The following SMARCAL1 variants were observed in gnomAD, a reference collection of about 807,000 sequenced individuals.
The protein encoded by SMARCAL1 is SNF2 related chromatin remodeling annealing helicase 1.
Under a neutral mutation model 94.5 loss-of-function variants are expected in SMARCAL1, and 58 were observed. That is an observed-to-expected ratio of 0.61 (90% CI 0.50 to 0.76). The LOEUF (loss-of-function observed/expected upper bound fraction) is 0.76. Ranked by LOEUF, SMARCAL1 falls within the 30% of genes least tolerant of loss-of-function variation. SMARCAL1 has a pLI of 0.00. For missense variants in SMARCAL1, 1,051 were observed against 1,177.9 expected, an observed-to-expected ratio of 0.89 and a Z score of 1.58; for synonymous variants, 422 against 455.1, an observed-to-expected ratio of 0.93 and a Z score of 0.93.
chr2:216,445,625 G>T (rs981518881), intron 10 of SMARCAL1, among the ~76,000 whole-genome samples: 2 of 151,890 alleles, frequency 1.3e-5, no homozygotes, highest in African/African-American at 2.4e-5. Flanking sequence ...CTTTTTCATT[G>T]AAATGATCTT....
chr2:216,442,163 C>G (rs1473640328), intron 10 of SMARCAL1, among the ~76,000 whole-genome samples: 1 of 151,934 alleles, frequency 6.6e-6, no homozygotes, highest in East Asian at 1.9e-4. Context: ...TGCCTGTAAT[C>G]CTAACACTTT....
rs1694869621 is a variant in SMARCAL1, at chr2:216,468,085, C to T, written c.2244+39C>T. On this transcript the variant is annotated intron_variant, in intron 14 of 17. Coordinates refer to ENST00000357276, the MANE Select transcript of SMARCAL1 (RefSeq NM_014140.4). ...GAAATTCACCATGGGCTACTTTTGCCATGTCCCAAGTTGTTCTAAGCAGGC... is the reference window on the plus strand; with the variant it reads ...GAAATTCACCATGGGCTACTTTTGCTATGTCCCAAGTTGTTCTAAGCAGGC... 2.8e-6 allele frequency: 4 copies of T among 1,437,386 alleles called. No homozygotes were observed. The South Asian group carries it at 4.6e-5, about 16-fold the overall frequency. 89.0% of individuals were successfully genotyped at this position (1,437,386 alleles called of 1,614,324 possible).
chr2:216,463,104 A>G (rs1694742537), intron 12 of SMARCAL1, among the ~76,000 whole-genome samples: 1 of 152,206 alleles, frequency 6.6e-6, no homozygotes, highest in Admixed American at 6.5e-5. Flanking sequence ...CAAGATCTCA[A>G]GAATGACAGG....
intron 12 of SMARCAL1, among the ~76,000 whole-genome samples, chr2:216,462,617 T>A (rs1425465057): frequency 6.6e-6 from 1 of 152,194 alleles, no homozygotes; most frequent in Non-Finnish European, 1.5e-5. Context: ...GTCTAATCAG[T>A]GACCCCACAG....
intron 6 of SMARCAL1, among the ~76,000 whole-genome samples, chr2:216,424,528 T>C (rs1693789899): frequency 6.6e-6 from 1 of 152,202 alleles, no homozygotes; most frequent in African/African-American, 2.4e-5. Flanking sequence ...GAGCCAACCC[T>C]GGGAGCTCTG....
rs1172616375 is a variant in SMARCAL1 at position 216,477,131 on chromosome 2, G to A, written c.2450G>A (p.Arg817His). The change falls in exon 16 of 18, where the codon CGC becomes CAC. Residue 817 changes from arginine (R) to histidine (H), a missense_variant. By Grantham distance (29) the Arg-to-His change is conservative (BLOSUM62 0). This residue lies in a region of SMARCAL1 where 642 missense variants were observed against 754.7 expected (regional missense o/e 0.85). Transcript: ENST00000357276. ...NPGVLIQAED[R>H]VHRIGQTSSV... ...CAGGTGCTGATCCAGGCTGAGGACC[G>A]CGTGCACCGCATTGGACAGACCAGC... The A allele has an allele frequency of 1.3e-5, 21 of 1,586,438 alleles. No individual in the cohort carries two copies. Among genetic ancestry groups the A allele is most frequent in the Non-Finnish European group, 1.6e-5 (19 of 1,166,366 alleles).
chr2:216,457,217 T>TA (rs1226574974), intron 12 of SMARCAL1, among the ~76,000 whole-genome samples: 3 of 152,168 alleles, frequency 2.0e-5, no homozygotes, highest in African/African-American at 7.2e-5. Flanking sequence ...CAAAGAGACT[T>TA]AGACTCCCAC....
chr2:216,425,821 C>A (rs1487873894), intron 6 of SMARCAL1, among the ~76,000 whole-genome samples: 1 of 152,108 alleles, frequency 6.6e-6, no homozygotes, highest in Non-Finnish European at 1.5e-5. Context: ...GGAAAAAGCA[C>A]CATTCGATTG....
chr2:216,415,676 G>A (rs1574444163), intron 3 of SMARCAL1, among the ~76,000 whole-genome samples, 161 bp downstream of exon 3: 3 of 151,838 alleles, frequency 2.0e-5, no homozygotes, highest in Non-Finnish European at 4.4e-5. Flanking sequence ...CTTCATAATA[G>A]TCATTCCCTT....
At chr2:216,443,868 G>T (rs1441564979) in intron 10 of SMARCAL1, among the ~76,000 whole-genome samples, 2 of 152,168 alleles carry the variant, frequency 1.3e-5, no homozygotes, top group Non-Finnish European at 2.9e-5. Flanking sequence ...GCAGAGTAAA[G>T]AATACACCCG....
chr2:216,424,044 T>G (rs781129289), intron 6 of SMARCAL1, among the ~76,000 whole-genome samples: 5 of 152,208 alleles, frequency 3.3e-5, no homozygotes, highest in Admixed American at 1.3e-4. Flanking sequence ...CATAGATTAC[T>G]TCTAAGAATA....
rs1268204559 is a variant in SMARCAL1, at chr2:216,432,670, G to T, written c.1335-48G>T. On this transcript the variant is annotated intron_variant, in intron 7 of 17. Coordinates refer to ENST00000357276, the MANE Select transcript of SMARCAL1 (RefSeq NM_014140.4). The stretch of plus-strand genomic sequence containing the variant: ...TGACCCACCGGACATGAGGGCAGAT[G>T]AACTCATGCCCCGGGAAATGTGCCA... 25 of 1,612,892 alleles carry T rather than the reference G, an allele frequency of 1.6e-5. No homozygotes were observed. In the East Asian group the frequency reaches 5.6e-4, roughly 36 times the overall value.
intron 9 of SMARCAL1, 83 bp downstream of exon 9, chr2:216,435,579 A>C: frequency 8.4e-7 from 1 of 1,196,040 alleles, no homozygotes; most frequent in South Asian, 1.2e-5. Context: ...TCATGTCTGT[A>C]ATCTCCTTGA....
intron 15 of SMARCAL1, among the ~76,000 whole-genome samples, chr2:216,476,485 G>A (rs1252184885): frequency 6.6e-6 from 1 of 151,960 alleles, no homozygotes; most frequent in African/African-American, 2.4e-5. Flanking sequence ...CCTAATTTTT[G>A]TATTTTTTGT....
chr2:216,438,132 TTTC>T (rs1250074098), intron 9 of SMARCAL1, among the ~76,000 whole-genome samples: 3 of 152,174 alleles, frequency 2.0e-5, no homozygotes, highest in Non-Finnish European at 4.4e-5. Flanking sequence ...CTTCTAGTGG[TTTC>T]TTTGAGCAGC....
chr2:216,435,106 C>G (rs772625517), intron 8 of SMARCAL1, among the ~76,000 whole-genome samples: 16 of 152,034 alleles, frequency 1.1e-4, no homozygotes, highest in Non-Finnish European at 1.8e-4. Flanking sequence ...GATCCGCCCT[C>G]CTCAGCCTCC....
chr2:216,440,601 G>A (rs1213528859), intron 10 of SMARCAL1, among the ~76,000 whole-genome samples: 10 of 152,194 alleles, frequency 6.6e-5, no homozygotes, highest in East Asian at 1.9e-4. Flanking sequence ...TTGGGGCCAC[G>A]CTCTTCCGCA....
At chr2:216,426,263 C>A (rs1693832083) in intron 6 of SMARCAL1, among the ~76,000 whole-genome samples, 2 of 152,168 alleles carry the variant, frequency 1.3e-5, no homozygotes, top group African/African-American at 4.8e-5. Context: ...AAGTCTTTGA[C>A]TTTTATGGAA....
intron 12 of SMARCAL1, among the ~76,000 whole-genome samples, chr2:216,458,980 CAA>C (rs1246221628): frequency 1.3e-5 from 2 of 152,164 alleles, no homozygotes; most frequent in African/African-American, 4.8e-5. Context: ...GCAACTTCAG[CAA>C]AGTCTCAGGA....
Sources: allele counts gnomAD v4.1 joint callset (sites outside exome capture counted in the v4.1 genomes callset), GRCh38; gene constraint gnomAD v4.1.1; regional missense constraint gnomAD v4.1.1; transcripts MANE v1.5; gene names NCBI Gene and HGNC (gene_info 2026-07-23, HGNC 2026-07-21).